ARHGAP32: variants seen among roughly 807,000 people sequenced by gnomAD.
ARHGAP32 encodes Rho GTPase activating protein 32, also known as rho GTPase-activating protein 32.
ARHGAP32 carries 51 observed loss-of-function variants against 186.5 expected under a neutral mutation model. That is an observed-to-expected ratio of 0.27 (90% CI 0.22 to 0.35). The LOEUF is 0.35. Ranked by LOEUF, ARHGAP32 falls within the 10% of genes least tolerant of loss-of-function variation. The probability of loss-of-function intolerance (pLI) is 1.00; values close to 1 mark genes in which losing one functional copy is unlikely to be tolerated. For synonymous variants in ARHGAP32, 950 were observed against 964.3 expected (o/e 0.99, Z 0.27); for missense variants, 2,186 against 2,623.5 (o/e 0.83, Z 3.64).
intron 11 of ARHGAP32, among the ~76,000 whole-genome samples, chr11:129,003,086 G>A (rs1031021926): frequency 2.2e-4 from 33 of 152,220 alleles, no homozygotes; most frequent in African/African-American, 6.0e-4. Context: ...GTGAGCCACC[G>A]TGCCCGGCCA....
intron 6 of ARHGAP32, among the ~76,000 whole-genome samples, chr11:129,075,907 T>C (rs949543283): frequency 6.6e-6 from 1 of 152,180 alleles, no homozygotes; most frequent in African/African-American, 2.4e-5. Flanking sequence ...CCGAGGAGGT[T>C]AGGCATTCTA....
intron 15 of ARHGAP32, among the ~76,000 whole-genome samples, chr11:128,982,253 C>T (rs1037594343): frequency 1.3e-5 from 2 of 152,040 alleles, no homozygotes; most frequent in African/African-American, 4.8e-5. Flanking sequence ...AAAACAGTTA[C>T]AAGAAAAATT....
In ARHGAP32 at chr11:128,970,541, C is replaced by T. The variant is rs756000808; in HGVS notation, c.4672G>A (p.Ala1558Thr). Residue 1558 changes from alanine (A) to threonine (T), a missense_variant, in exon 23 of 23, where the codon GCA becomes ACA. Physicochemically the swap from Ala to Thr is moderately conservative, Grantham distance 58 (BLOSUM62 0). This residue lies in a region of ARHGAP32 where 1,502 missense variants were observed against 1,570.0 expected (regional missense o/e 0.96). Coordinates refer to ENST00000682385, the MANE Select transcript of ARHGAP32 (RefSeq NM_001378024.1). This position sits in a 1 kb window ranked among gnomAD's most constrained non-coding sequence, Gnocchi z 5.8. The stretch of plus-strand genomic sequence containing the variant: ...CATGGCTTGGAGTGGTGTCCAGATG[C>T]GTTTCTTCCTGGGGCCACATATGTG... Reference protein sequence around the residue: ...YNTYVAPGRNASGHHSKPCSR... With the variant: ...YNTYVAPGRNTSGHHSKPCSR... 25 of 1,614,040 alleles carry T rather than the reference C, an allele frequency of 1.5e-5. No individual in the cohort carries two copies. Among genetic ancestry groups the T allele is most frequent in the East Asian group, 1.3e-4 (6 of 44,896 alleles).
At position 128,970,695 on chromosome 11, in the gene ARHGAP32, C is replaced by G. The variant is rs1334333927; in HGVS notation, c.4518G>C (p.Leu1506Phe). 1.9e-6 allele frequency: 3 copies of G among 1,614,110 alleles called. No individual in the cohort carries two copies. The highest frequency in any genetic ancestry group is 4.5e-5 in the East Asian group (2 of 44,882). Residue 1506 changes from leucine to phenylalanine, a missense_variant, in exon 23 of 23, where the codon TTG becomes TTC. Transcript: ENST00000682385. This position sits in a 1 kb window ranked among gnomAD's most constrained non-coding sequence, Gnocchi z 5.8. ...GGCAGTTTGGAGTCATATTGAAATG[C>G]AAACAGTTATCTGGACCAAAGGGTT... ...TTEPFGPDNC[L>F]HFNMTPNCQY...
intron 5 of ARHGAP32, among the ~76,000 whole-genome samples, chr11:129,119,286 T>C (rs1007510932): frequency 6.6e-6 from 1 of 152,036 alleles, no homozygotes; most frequent in East Asian, 1.9e-4. Context: ...CACCAGCACC[T>C]TTCTCCTCAG....
At chr11:128,977,884 A>G (rs1945594179) in intron 19 of ARHGAP32, among the ~76,000 whole-genome samples, 1 of 146,936 alleles carries the variant, frequency 6.8e-6, no homozygotes, top group Non-Finnish European at 1.5e-5. Context: ...TATTATTATT[A>G]TTATTATTAT....
At chr11:129,081,813 C>T (rs7117946) in intron 6 of ARHGAP32, among the ~76,000 whole-genome samples, 1,885 of 152,042 alleles carry the variant, frequency 0.012, 40 homozygotes, top group African/African-American at 0.041. Flanking sequence ...GTCAAACTGT[C>T]GCTGTTCACC....
intron 6 of ARHGAP32, among the ~76,000 whole-genome samples, chr11:129,072,286 A>T (rs946566910): frequency 5.3e-5 from 8 of 152,144 alleles, no homozygotes; most frequent in African/African-American, 1.7e-4. Context: ...CTGCCAGCTC[A>T]ACTTCTAGTT....
At chr11:129,207,796 T>C (rs1944533648) in intron 1 of ARHGAP32, among the ~76,000 whole-genome samples, 1 of 152,094 alleles carries the variant, frequency 6.6e-6, no homozygotes, top group Non-Finnish European at 1.5e-5. Flanking sequence ...GATAAAATAA[T>C]AGAAAGTACA....
chr11:129,084,091 A>G (rs985973701), intron 6 of ARHGAP32, among the ~76,000 whole-genome samples: 5 of 152,100 alleles, frequency 3.3e-5, no homozygotes, highest in African/African-American at 1.2e-4. Flanking sequence ...AAAAAGATAC[A>G]TCCACCAAAA....
intron 1 of ARHGAP32, among the ~76,000 whole-genome samples, chr11:129,247,072 T>C (rs776335022): frequency 1.3e-5 from 2 of 152,186 alleles, no homozygotes; most frequent in East Asian, 1.9e-4. Context: ...GCAAGTCTCA[T>C]TCATCATCTG....
At chr11:128,981,132 A>C (rs1281843980) in intron 17 of ARHGAP32, among the ~76,000 whole-genome samples, 2 of 152,208 alleles carry the variant, frequency 1.3e-5, no homozygotes, top group African/African-American at 4.8e-5. Flanking sequence ...TTTTGGAAGC[A>C]ATTTTTCTTC....
chr11:129,224,965 G>T (rs1944759775), intron 1 of ARHGAP32, among the ~76,000 whole-genome samples: 1 of 151,760 alleles, frequency 6.6e-6, no homozygotes, highest in Admixed American at 6.6e-5. Flanking sequence ...TTAAATATTA[G>T]CCAGGTATGA....
intron 10 of ARHGAP32, among the ~76,000 whole-genome samples, chr11:129,045,370 C>G (rs530432811): frequency 6.6e-6 from 1 of 152,306 alleles, no homozygotes; most frequent in East Asian, 1.9e-4. Flanking sequence ...AATCCATCAT[C>G]TTTTCCGCTC....
At chr11:129,218,508 CAA>C (rs1565471715) in intron 1 of ARHGAP32, among the ~76,000 whole-genome samples, 5 of 151,976 alleles carry the variant, frequency 3.3e-5, no homozygotes, top group Middle Eastern at 3.2e-3. Context: ...TAAATTAGCT[CAA>C]GTGTCATCTC....
At chr11:129,074,953 G>A (rs545862475) in intron 6 of ARHGAP32, among the ~76,000 whole-genome samples, 4 of 152,124 alleles carry the variant, frequency 2.6e-5, no homozygotes, top group Non-Finnish European at 4.4e-5. Flanking sequence ...TAACTCAGCT[G>A]CAGTCATCAT....
intron 1 of ARHGAP32, among the ~76,000 whole-genome samples, chr11:129,225,126 G>C (rs966194757): frequency 3.9e-5 from 6 of 152,038 alleles, no homozygotes; most frequent in Non-Finnish European, 7.4e-5. Context: ...AAAGTATTTT[G>C]AGGCAATTAT....
intron 1 of ARHGAP32, among the ~76,000 whole-genome samples, chr11:129,170,437 T>C (rs962043330): frequency 1.3e-5 from 2 of 152,154 alleles, no homozygotes; most frequent in Non-Finnish European, 2.9e-5. Flanking sequence ...AGTGTTTGGT[T>C]TTCTGTTCCT....
chr11:129,052,834 C>T (rs1940108044), intron 10 of ARHGAP32, among the ~76,000 whole-genome samples: 1 of 151,952 alleles, frequency 6.6e-6, no homozygotes, highest in South Asian at 2.1e-4. Flanking sequence ...AAAATTTATG[C>T]TGACTTTTTT....
Sources: gnomAD v4.1 joint callset for allele counts (sites outside exome capture counted in the v4.1 genomes callset) on GRCh38, gnomAD v4.1.1 for gene constraint, gnomAD v4.1.1 regional missense constraint, Gnocchi (gnomAD v3.1) non-coding constraint, MANE v1.5 for transcripts, NCBI Gene and HGNC (gene_info 2026-07-23, HGNC 2026-07-21) for gene names.